The following MYEF2 variants were observed in gnomAD, a reference collection of about 807,000 sequenced individuals.
MYEF2 encodes the protein myelin expression factor 2, also known as myelin gene expression factor 2.
MYEF2 carries 37 observed loss-of-function variants against 75.2 expected under a neutral mutation model. The observed-to-expected ratio is 0.49, with a 90% CI of 0.38 to 0.65. The LOEUF (loss-of-function observed/expected upper bound fraction) is 0.65. Among genes scored for constraint, MYEF2 ranks in the 30% least tolerant of loss-of-function variants. The pLI, the probability that MYEF2 is intolerant of heterozygous loss-of-function variation, is 0.00. For synonymous variants in MYEF2, 195 were observed against 241.6 expected, an observed-to-expected ratio of 0.81 and a Z score of 1.79; for missense variants, 634 against 771.4, an observed-to-expected ratio of 0.82 and a Z score of 2.11.
rs1597271292 is a variant in MYEF2 at position 48,140,135 on chromosome 15, A to G, written c.*2773T>C. 6.6e-6 allele frequency: 1 copy of G among 152,122 alleles called. No individual in the cohort carries two copies. The highest frequency in any genetic ancestry group is 1.9e-4 in the East Asian group (1 of 5,200). The allele number at this position is 152,122 out of a possible 1,614,324, so 9.4% of individuals were successfully genotyped here. On this transcript the variant is annotated 3_prime_UTR_variant, in exon 17 of 17. Coordinates refer to ENST00000324324, the MANE Select transcript of MYEF2 (RefSeq NM_016132.5). ...AAAAAGTCCAATTAGCTTGCATATT[A>G]TATCTATCCAAATTCACTCAGCCAG...
In MYEF2 at chr15:48,142,300, A is replaced by G. The variant is rs753430443; in HGVS notation, c.*608T>C. The G allele has an allele frequency of 6.2e-7, 1 of 1,612,130 alleles. No individual in the cohort carries two copies. Among genetic ancestry groups the G allele is most frequent in the Admixed American group, 1.7e-5 (1 of 59,800 alleles). On this transcript the variant is annotated 3_prime_UTR_variant, in exon 17 of 17. Transcript: ENST00000324324. ...TGGGGCTTGCTACATTATCAGTTCT[A>G]TATGAACTTGGAATTATTGGAAATA...
chr15:48,142,968 T>C lies in MYEF2; in HGVS notation c.1743A>G (p.Ile581Met). The stretch of plus-strand genomic sequence containing the variant: ...TGCCACTGATTTTTATGCCATTCAT[T>C]ATTCTGCAGGCTTTTTCAGCTGATT... ...SPESAEKACR[I>M]MNGIKISGRE... The change falls in exon 17 of 17, where the codon ATA becomes ATG. Residue 581 changes from isoleucine to methionine, a missense_variant. Coordinates refer to ENST00000324324, the MANE Select transcript of MYEF2 (RefSeq NM_016132.5). The C allele has an allele frequency of 1.2e-6, 2 of 1,604,004 alleles. No homozygotes were observed. Among genetic ancestry groups the C allele is most frequent in the Non-Finnish European group, 8.5e-7 (1 of 1,175,750 alleles).
At chr15:48,150,481 A>T (rs913442839) in intron 14 of MYEF2, among the ~76,000 whole-genome samples, 4 of 152,010 alleles carry the variant, frequency 2.6e-5, no homozygotes, top group Non-Finnish European at 4.4e-5. Context: ...CAGTAAGCAA[A>T]AGAGGTTAAA....
chr15:48,163,929 T>C (rs1001048631), intron 5 of MYEF2, among the ~76,000 whole-genome samples: 3 of 152,332 alleles, frequency 2.0e-5, no homozygotes, highest in Admixed American at 6.5e-5. Flanking sequence ...TTACTGCTCA[T>C]TGACAATGCA....
Position 48,142,491 on chromosome 15 carries a change from C to A in MYEF2, c.*417G>T. 1.6e-6 allele frequency: 1 copy of A among 619,316 alleles called. No individual in the cohort carries two copies. Among genetic ancestry groups the A allele is most frequent in the Non-Finnish European group, 2.5e-6 (1 of 396,346 alleles). 38.4% of individuals were successfully genotyped at this position (619,316 alleles called of 1,614,324 possible). ...ACAGTAATTTAAAACCAACCAAAAT[C>A]ACATCCTAATTTTTCTGAGCCCTTT... On this transcript the variant is annotated 3_prime_UTR_variant, in exon 17 of 17. Coordinates refer to ENST00000324324, the MANE Select transcript of MYEF2 (RefSeq NM_016132.5).
At chr15:48,147,573 T>C (rs2039335193) in intron 16 of MYEF2, among the ~76,000 whole-genome samples, 1 of 151,990 alleles carries the variant, frequency 6.6e-6, no homozygotes. Context: ...AGACACTGCT[T>C]ACTCATTCTG....
At chr15:48,173,716 A>G (rs1343351804) in intron 1 of MYEF2, among the ~76,000 whole-genome samples, 1 of 152,146 alleles carries the variant, frequency 6.6e-6, no homozygotes, top group Non-Finnish European at 1.5e-5. Context: ...ATAATGAACT[A>G]TCCAAAAAAT....
Position 48,142,158 on chromosome 15 carries a change from G to A in MYEF2, c.*750C>T. ...GCTCCTGCAGAAGTAAACAGCAGAG[G>A]ACTAACTTACATAACCATCTCTCTC... On this transcript the variant is annotated 3_prime_UTR_variant, in exon 17 of 17. Coordinates refer to ENST00000324324, the MANE Select transcript of MYEF2 (RefSeq NM_016132.5). The A allele has an allele frequency of 6.2e-7, 1 of 1,613,834 alleles. No homozygotes were observed. Among genetic ancestry groups the A allele is most frequent in the Non-Finnish European group, 8.5e-7 (1 of 1,179,900 alleles).
rs147529654 is a variant in MYEF2 at position 48,151,888 on chromosome 15, A to G, written c.1193T>C (p.Val398Ala). 7.4e-6 allele frequency: 12 copies of G among 1,613,092 alleles called. No individual in the cohort carries two copies. The highest frequency in any genetic ancestry group is 2.2e-5 in the East Asian group (1 of 44,864). The change falls in exon 12 of 17, where the codon GTT becomes GCT. Residue 398 changes from valine to alanine, a missense_variant. Coordinates refer to ENST00000324324, the MANE Select transcript of MYEF2 (RefSeq NM_016132.5). ...AMNSMGGFGG[V>A]GRMGELYRGA... Reference sequence around the variant, plus strand: ...CATTTACCTACCTCCCATTCGGCCAACTCCTCCAAATCCTCCCATGCTATT... The same window carrying G: ...CATTTACCTACCTCCCATTCGGCCAGCTCCTCCAAATCCTCCCATGCTATT...
chr15:48,139,244 C>T lies in MYEF2; in HGVS notation c.*3664G>A. The stretch of plus-strand genomic sequence containing the variant: ...TAAGAACAAATTGCATATGTTCACT[C>T]AAAGTAGTCTAGCTACACAGCAAAT... On this transcript the variant is annotated 3_prime_UTR_variant, in exon 17 of 17. Transcript: ENST00000324324. 7.6e-7 allele frequency: 1 copy of T among 1,320,044 alleles called. No homozygotes were observed. The highest frequency in any genetic ancestry group is 1.3e-5 in the South Asian group (1 of 79,652). The allele number at this position is 1,320,044 out of a possible 1,614,324, so 81.8% of individuals were successfully genotyped here. A position where few individuals can be genotyped will look rare whatever the true frequency, so the allele number is the denominator to read the frequency against.
chr15:48,148,026 A>G (rs1335456495), intron 16 of MYEF2, among the ~76,000 whole-genome samples: 1 of 152,004 alleles, frequency 6.6e-6, no homozygotes, highest in East Asian at 1.9e-4. Flanking sequence ...TTGAACAAAT[A>G]ACTATTAATA....
intron 5 of MYEF2, among the ~76,000 whole-genome samples, chr15:48,160,960 G>T (rs928383974): frequency 6.6e-6 from 1 of 151,976 alleles, no homozygotes; most frequent in South Asian, 2.1e-4. Context: ...TCAAAAAGAG[G>T]TAAAAATACG....
Position 48,139,058 on chromosome 15 carries a change from A to G in MYEF2, c.*3850T>C, listed in dbSNP as rs1176264852. 1 of 1,612,982 alleles carries G rather than the reference A, an allele frequency of 6.2e-7. No individual in the cohort carries two copies. The highest frequency in any genetic ancestry group is 2.2e-5 in the East Asian group (1 of 44,762). On this transcript the variant is annotated 3_prime_UTR_variant, in exon 17 of 17. Transcript: ENST00000324324. ...TCCTATTATTACATTACTTTTTCTA[A>G]CCACACCAGATTGTAGAAAAAAGTT...
At chr15:48,161,397 G>C (rs2039936308) in intron 5 of MYEF2, among the ~76,000 whole-genome samples, 1 of 152,078 alleles carries the variant, frequency 6.6e-6, no homozygotes, top group Non-Finnish European at 1.5e-5. Flanking sequence ...ACTTTCCTCA[G>C]TAGCAGTTCT....
intron 5 of MYEF2, among the ~76,000 whole-genome samples, chr15:48,161,263 A>T (rs1478733961): frequency 6.6e-6 from 1 of 151,982 alleles, no homozygotes; most frequent in Non-Finnish European, 1.5e-5. Context: ...CTGGTTACTG[A>T]CTGCTATTGC....
chr15:48,142,784 T>A lies in MYEF2; in HGVS notation c.*124A>T, dbSNP rs1294809775. ...TTTTTAACATTATACTGTTAAAAGC[T>A]GGTGGGAGTTTTAAAAGTTCATTTT... On this transcript the variant is annotated 3_prime_UTR_variant, in exon 17 of 17. Transcript: ENST00000324324. The A allele has an allele frequency of 5.5e-6, 5 of 908,440 alleles. No homozygotes were observed. Among genetic ancestry groups the A allele is most frequent in the Non-Finnish European group, 8.0e-6 (5 of 625,058 alleles). The allele number at this position is 908,440 out of a possible 1,614,324, so 56.3% of individuals were successfully genotyped here.
At chr15:48,144,304 T>A (rs2039198754) in intron 16 of MYEF2, among the ~76,000 whole-genome samples, 1 of 152,090 alleles carries the variant, frequency 6.6e-6, no homozygotes, top group African/African-American at 2.4e-5. Context: ...TTGATCTGAA[T>A]AATCTCTTAC....
chr15:48,158,642 T>A, intron 7 of MYEF2, 127 bp downstream of exon 7: 1 of 1,114,014 alleles, frequency 9.0e-7, no homozygotes, highest in East Asian at 2.4e-5. Context: ...TTTTATTTGC[T>A]GGAGACTAAA....
At chr15:48,155,908 G>A (rs1597318279) in intron 9 of MYEF2, among the ~76,000 whole-genome samples, 1 of 151,938 alleles carries the variant, frequency 6.6e-6, no homozygotes, top group Non-Finnish European at 1.5e-5. Flanking sequence ...CTGAGTAACT[G>A]GGACTACAGG....
Sources: gnomAD v4.1 joint callset for allele counts (sites outside exome capture counted in the v4.1 genomes callset) on GRCh38, gnomAD v4.1.1 for gene constraint, MANE v1.5 for transcripts, NCBI Gene and HGNC (gene_info 2026-07-23, HGNC 2026-07-21) for gene names.